GREB1L: variants seen among roughly 807,000 people sequenced by gnomAD.
GREB1L encodes the protein GREB1 like retinoic acid receptor coactivator.
In GREB1L, 17 loss-of-function variants were observed where a neutral mutation model predicts 200.8. The ratio of observed to expected loss-of-function variants is 0.08; its 90% CI spans 0.06 to 0.13. GREB1L has a LOEUF of 0.13. Among genes scored for constraint, GREB1L ranks in the 10% least tolerant of loss-of-function variants. The probability of loss-of-function intolerance (pLI) is 1.00; values close to 1 mark genes in which losing one functional copy is unlikely to be tolerated. For synonymous variants in GREB1L, 789 were observed against 893.0 expected (o/e 0.88, Z 2.08); for missense variants, 1,657 against 2,367.7 (o/e 0.70, Z 6.23).
chr18:21,498,062 T>C (rs1313302708), intron 21 of GREB1L, among the ~76,000 whole-genome samples: 2 of 152,024 alleles, frequency 1.3e-5, no homozygotes, highest in African/African-American at 4.8e-5. Context: ...CCTCAGGTGA[T>C]CCACCCGCCT....
chr18:21,504,459 C>A (rs1292935760), intron 23 of GREB1L, among the ~76,000 whole-genome samples: 1 of 152,162 alleles, frequency 6.6e-6, no homozygotes, highest in African/African-American at 2.4e-5. Context: ...TTCCTTGAGC[C>A]CAGGAGTTCA....
intron 4 of GREB1L, among the ~76,000 whole-genome samples, chr18:21,391,670 A>G (rs1202798402): frequency 6.6e-6 from 1 of 152,224 alleles, no homozygotes; most frequent in Non-Finnish European, 1.5e-5. Flanking sequence ...GTGTTCCTCA[A>G]TCGTTGACTC....
At position 21,428,196 on chromosome 18, in the gene GREB1L, C is replaced by CAAAAAAA. The variant is rs60750456; in HGVS notation, c.833-11300_833-11294dup. On this transcript the variant is annotated intron_variant, in intron 7 of 32. Coordinates refer to ENST00000424526, the MANE Select transcript of GREB1L (RefSeq NM_001142966.3). Reference sequence around the variant, plus strand: ...TGGGCGACAGAGCGAGACTCCGTCTCAAAAAAAAAAAAAAAAAAAAAAAAA... The same window carrying CAAAAAAA: ...TGGGCGACAGAGCGAGACTCCGTCTCAAAAAAAAAAAAAAAAAAAAAAAAAAAAAAAA... Among the ~76,000 whole-genome samples the CAAAAAAA allele has an allele frequency of 1.5e-4, 7 of 48,168 alleles. 1 individual carries two copies. Among genetic ancestry groups the CAAAAAAA allele is most frequent in the Non-Finnish European group, 2.7e-4 (5 of 18,602 alleles). The allele number at this position is 48,168 out of a possible 152,430, so 31.6% of individuals were successfully genotyped here.
intron 10 of GREB1L, among the ~76,000 whole-genome samples, chr18:21,442,151 T>C (rs2033935056): frequency 6.6e-6 from 1 of 152,222 alleles, no homozygotes; most frequent in Non-Finnish European, 1.5e-5. Context: ...AGTGGAGGTA[T>C]AGACATTTAG....
intron 16 of GREB1L, among the ~76,000 whole-genome samples, chr18:21,474,141 A>G (rs1377658059): frequency 1.3e-5 from 2 of 152,246 alleles, no homozygotes; most frequent in South Asian, 2.1e-4. Context: ...TCACATTTCA[A>G]AACCAATTAT....
At chr18:21,268,575 A>ATATATATATACATG (rs2038025052) in intron 1 of GREB1L, among the ~76,000 whole-genome samples, 3 of 121,224 alleles carry the variant, frequency 2.5e-5, no homozygotes, top group Non-Finnish European at 4.7e-5. Flanking sequence ...ATATATATAT[A>ATATATATATACATG]TATATATATA....
chr18:21,277,568 A>G (rs1448830239), intron 1 of GREB1L, among the ~76,000 whole-genome samples: 11 of 152,120 alleles, frequency 7.2e-5, no homozygotes, highest in African/African-American at 2.4e-5. Context: ...AGGCAATCCC[A>G]TGACCTTTGT....
rs1237961658 is a variant in GREB1L, at chr18:21,318,132, GAGAAAGAAC to G, written c.-119-47886_-119-47878del. 4.7e-5 allele frequency among the ~76,000 whole-genome samples: 7 copies of G among 149,360 alleles called. No individual in the cohort carries two copies. The East Asian group carries it at 1.4e-3, about 29-fold the overall frequency. ...AAAAAAAAAAAAAAAAAAACAAAGA[GAGAAAGAAC>G]AGAAAGAAAATGAGAATAGCCTCCT... is the stretch of plus-strand genomic sequence containing the variant. On this transcript the variant is annotated intron_variant, in intron 1 of 32. Transcript: ENST00000424526.
chr18:21,303,329 C>G (rs1482409184), intron 1 of GREB1L, among the ~76,000 whole-genome samples: 2 of 152,150 alleles, frequency 1.3e-5, no homozygotes, highest in East Asian at 3.8e-4. Context: ...ACCAACTAAT[C>G]TCTTAGAATT....
chr18:21,344,837 T>C (rs1166385144), intron 1 of GREB1L, among the ~76,000 whole-genome samples: 2 of 152,236 alleles, frequency 1.3e-5, no homozygotes. Flanking sequence ...GTTCCTACTC[T>C]TGAGTTGGTG....
At chr18:21,444,814 T>G (rs2034116517) in intron 11 of GREB1L, among the ~76,000 whole-genome samples, 1 of 152,236 alleles carries the variant, frequency 6.6e-6, no homozygotes, top group South Asian at 2.1e-4. Flanking sequence ...AAACAATTAT[T>G]TTCCAGTTTT....
intron 29 of GREB1L, among the ~76,000 whole-genome samples, 175 bp from the exon 30 acceptor site, chr18:21,516,438 C>G (rs2037420611): frequency 1.3e-5 from 2 of 152,318 alleles, no homozygotes; most frequent in East Asian, 3.9e-4. Context: ...CCTTGAAAGG[C>G]TGTAATGCCC....
intron 17 of GREB1L, 94 bp downstream of exon 17, chr18:21,477,450 T>C (rs2035746385): frequency 1.0e-6 from 1 of 965,488 alleles, no homozygotes; most frequent in African/African-American, 1.7e-5. Context: ...CTTAAGACCA[T>C]ATTCATAAGA....
chr18:21,245,510 A>G (rs1598601158), intron 1 of GREB1L, among the ~76,000 whole-genome samples: 3 of 152,182 alleles, frequency 2.0e-5, no homozygotes, highest in Admixed American at 2.0e-4. Context: ...TGCCATATGA[A>G]TGAATATTTT....
chr18:21,259,466 C>CA (rs1567911248), intron 1 of GREB1L, among the ~76,000 whole-genome samples: 1 of 152,014 alleles, frequency 6.6e-6, no homozygotes. Flanking sequence ...GAAGAGCTGT[C>CA]CCTGCCCTTG....
chr18:21,440,182 A>G, intron 8 of GREB1L, 87 bp from the exon 9 acceptor site: 2 of 1,329,692 alleles, frequency 1.5e-6, no homozygotes, highest in East Asian at 2.5e-5. Context: ...GTTCTGTATT[A>G]CTTATATTAC....
chr18:21,323,319 ATAAGT>A (rs1281208879), intron 1 of GREB1L, among the ~76,000 whole-genome samples: 1 of 152,152 alleles, frequency 6.6e-6, no homozygotes, highest in African/African-American at 2.4e-5. Context: ...ATTGAATAAT[ATAAGT>A]TAAAGTCAGA....
chr18:21,501,776 TATA>T (rs1225981068), intron 23 of GREB1L, among the ~76,000 whole-genome samples: 3 of 152,220 alleles, frequency 2.0e-5, no homozygotes, highest in Non-Finnish European at 2.9e-5. Flanking sequence ...ACGGGATTAC[TATA>T]ATGAGATGAA....
rs1264428221 is a variant in GREB1L, at chr18:21,298,226, C to T, written c.-120+55833C>T. Among the ~76,000 whole-genome samples, 7 of 152,310 alleles carry T rather than the reference C, an allele frequency of 4.6e-5. No homozygotes were observed. In the East Asian group the frequency reaches 1.2e-3, roughly 25 times the overall value. ...GAATTCTTCCCTAGTTACCCCAGTT[C>T]ACTGTGCGTCCACATTCACTCTCAG... On this transcript the variant is annotated intron_variant, in intron 1 of 32. Coordinates refer to ENST00000424526, the MANE Select transcript of GREB1L (RefSeq NM_001142966.3).
Sources: gnomAD v4.1 joint callset for allele counts (sites outside exome capture counted in the v4.1 genomes callset) on GRCh38, gnomAD v4.1.1 for gene constraint, MANE v1.5 for transcripts, NCBI Gene and HGNC (gene_info 2026-07-23, HGNC 2026-07-21) for gene names.